DLG2: variants seen among roughly 807,000 people sequenced by gnomAD.
The protein encoded by DLG2 is disks large homolog 2.
A neutral mutation model predicts 132.5 loss-of-function variants in DLG2; 45 were observed. The observed-to-expected ratio is 0.34, with a 90% confidence interval of 0.27 to 0.44. The LOEUF (loss-of-function observed/expected upper bound fraction) is 0.44. DLG2 is among the 20% of genes least tolerant of loss of function. DLG2 has a pLI of 1.00. For missense variants in DLG2, 1,045 were observed against 1,196.9 expected (o/e 0.87, Z 1.87); for synonymous variants, 424 against 419.6 (o/e 1.01, Z -0.13).
intron 11 of DLG2, among the ~76,000 whole-genome samples, chr11:84,005,955 A>G (rs921424689): frequency 6.6e-6 from 1 of 151,996 alleles, no homozygotes; most frequent in East Asian, 1.9e-4. Context: ...CTACTATACA[A>G]TCCAGCAATC....
At chr11:83,750,254 A>C (rs1397102559) in intron 18 of DLG2, among the ~76,000 whole-genome samples, 1 of 152,218 alleles carries the variant, frequency 6.6e-6, no homozygotes, top group South Asian at 2.1e-4. Context: ...GTTCATGGGA[A>C]GTCCCTCTGG....
At chr11:84,587,533 A>G (rs1354793197) in intron 6 of DLG2, among the ~76,000 whole-genome samples, 1 of 152,144 alleles carries the variant, frequency 6.6e-6, no homozygotes, top group African/African-American at 2.4e-5. Flanking sequence ...ATGAACGTTT[A>G]TTTTCACAAA....
At chr11:84,423,088 G>T (rs936799312) in intron 7 of DLG2, among the ~76,000 whole-genome samples, 1 of 152,064 alleles carries the variant, frequency 6.6e-6, no homozygotes, top group Non-Finnish European at 1.5e-5. Context: ...AGGTCAAATG[G>T]GGAAGGTCTG....
At position 84,308,277 on chromosome 11, in the gene DLG2, G is replaced by T. The variant is rs553255630; in HGVS notation, c.520-56986C>A. Among the ~76,000 whole-genome samples the T allele has an allele frequency of 9.5e-4, 144 of 152,176 alleles. 2 individuals carry two copies. The highest frequency in any genetic ancestry group is 9.0e-4 in the Non-Finnish European group (61 of 68,010). ...ACTAGATTAGCTAGATACAGAGTGT[G>T]GACACAAAGGTTCTCCAAGTCCCCA... On this transcript the variant is annotated intron_variant, in intron 7 of 27. Transcript: ENST00000376104.
chr11:84,932,804 T>C (rs2048255853), intron 6 of DLG2, among the ~76,000 whole-genome samples: 1 of 152,180 alleles, frequency 6.6e-6, no homozygotes, highest in Non-Finnish European at 1.5e-5. Flanking sequence ...CTATTATAAA[T>C]AGTGCTGCGA....
At chr11:83,751,934 G>C (rs905433967) in intron 18 of DLG2, among the ~76,000 whole-genome samples, 13 of 152,172 alleles carry the variant, frequency 8.5e-5, no homozygotes, top group Non-Finnish European at 1.9e-4. Context: ...TTAAAATTAT[G>C]ACACTGCATG....
At chr11:84,731,832 A>T (rs574303805) in intron 6 of DLG2, among the ~76,000 whole-genome samples, 1 of 152,180 alleles carries the variant, frequency 6.6e-6, no homozygotes, top group South Asian at 2.1e-4. Flanking sequence ...GTAATTTTCA[A>T]CATACGTATA....
At chr11:85,360,836 A>G (rs2084087281) in intron 3 of DLG2, among the ~76,000 whole-genome samples, 1 of 152,220 alleles carries the variant, frequency 6.6e-6, no homozygotes, top group African/African-American at 2.4e-5. Flanking sequence ...AACACAGAAG[A>G]AGTCTTCATA....
intron 7 of DLG2, among the ~76,000 whole-genome samples, chr11:84,392,238 G>A (rs1240248985): frequency 5.3e-5 from 8 of 152,050 alleles, no homozygotes; most frequent in East Asian, 3.9e-4. Flanking sequence ...TGTTTTCCCC[G>A]CTAGCGTGCA....
At chr11:83,900,691 G>T (rs2073162008) in intron 15 of DLG2, among the ~76,000 whole-genome samples, 1 of 152,222 alleles carries the variant, frequency 6.6e-6, no homozygotes, top group Admixed American at 6.5e-5. Flanking sequence ...GGATGCCCAG[G>T]CAGAAGTTTG....
At chr11:83,835,972 G>A (rs562043906) in intron 16 of DLG2, among the ~76,000 whole-genome samples, 1 of 152,176 alleles carries the variant, frequency 6.6e-6, no homozygotes, top group East Asian at 1.9e-4. Context: ...TACATCATAA[G>A]GAATTGGCTT....
At chr11:84,758,314 G>A (rs750625640) in intron 6 of DLG2, among the ~76,000 whole-genome samples, 1 of 152,228 alleles carries the variant, frequency 6.6e-6, no homozygotes, top group Non-Finnish European at 1.5e-5. Context: ...CTGTAGAGCT[G>A]TTAGAACTTG....
At chr11:83,680,041 T>C (rs1382342745) in intron 18 of DLG2, among the ~76,000 whole-genome samples, 1 of 152,198 alleles carries the variant, frequency 6.6e-6, no homozygotes, top group African/African-American at 2.4e-5. Flanking sequence ...TGTGTGTATG[T>C]GTCCTGTAAG....
At chr11:85,405,207 A>G (rs1597020102) in intron 3 of DLG2, among the ~76,000 whole-genome samples, 1 of 151,928 alleles carries the variant, frequency 6.6e-6, no homozygotes, top group African/African-American at 2.4e-5. Flanking sequence ...TTAATGTTTC[A>G]TTTTATAAAA....
intron 8 of DLG2, among the ~76,000 whole-genome samples, chr11:84,237,333 A>G (rs969213362): frequency 6.6e-6 from 1 of 152,200 alleles, no homozygotes; most frequent in Non-Finnish European, 1.5e-5. Context: ...CTTTAAAAAC[A>G]AGAAAACCAC....
intron 7 of DLG2, among the ~76,000 whole-genome samples, chr11:84,464,045 T>C (rs2099087484): frequency 1.3e-5 from 2 of 151,202 alleles, no homozygotes; most frequent in South Asian, 4.1e-4. Context: ...TACTCTAAAA[T>C]ATTCAAAAAT....
chr11:83,923,375 T>C (rs1314652012), intron 15 of DLG2, among the ~76,000 whole-genome samples: 4 of 152,110 alleles, frequency 2.6e-5, no homozygotes, highest in African/African-American at 9.7e-5. Flanking sequence ...GAATTGAGGC[T>C]CTGAGGGTGG....
At chr11:84,404,876 C>T (rs2098843214) in intron 7 of DLG2, among the ~76,000 whole-genome samples, 1 of 152,098 alleles carries the variant, frequency 6.6e-6, no homozygotes, top group African/African-American at 2.4e-5. Flanking sequence ...TTTAACATTT[C>T]TAGATAGGAA....
intron 21 of DLG2, among the ~76,000 whole-genome samples, chr11:83,487,298 T>TCTAA (rs372428913): frequency 3.4e-5 from 5 of 146,834 alleles, no homozygotes; most frequent in African/African-American, 7.7e-5. Context: ...AATGTTGAGT[T>TCTAA]CTAACTATTA....
Sources: gnomAD v4.1 joint callset for allele counts (sites outside exome capture counted in the v4.1 genomes callset) on GRCh38, gnomAD v4.1.1 for gene constraint, MANE v1.5 for transcripts, NCBI Gene and HGNC (gene_info 2026-07-23, HGNC 2026-07-21) for gene names.